SLC4A4: variants seen among roughly 807,000 people sequenced by gnomAD.
The protein encoded by SLC4A4 is electrogenic sodium bicarbonate cotransporter 1.
A neutral mutation model predicts 111.5 loss-of-function variants in SLC4A4; 27 were observed. The observed-to-expected ratio is 0.24, with a 90% CI of 0.18 to 0.33. The LOEUF (loss-of-function observed/expected upper bound fraction) is 0.33, where lower values mean the gene tolerates loss of function less well. Ranked by LOEUF, SLC4A4 falls within the 10% of genes least tolerant of loss-of-function variation. The pLI is 1.00. For synonymous variants in SLC4A4, 443 were observed against 463.4 expected, an observed-to-expected ratio of 0.96 and a Z score of 0.57; for missense variants, 909 against 1,315.5, an observed-to-expected ratio of 0.69 and a Z score of 4.78.
intron 4 of SLC4A4, among the ~76,000 whole-genome samples, chr4:71,349,109 C>A (rs1309834887): frequency 6.6e-6 from 1 of 152,036 alleles, no homozygotes; most frequent in African/African-American, 2.4e-5. Context: ...GCTCTCATTT[C>A]CATTAAGGTT....
chr4:71,498,281 A>G (rs1223582520), intron 16 of SLC4A4, among the ~76,000 whole-genome samples: 1 of 152,186 alleles, frequency 6.6e-6, no homozygotes, highest in Non-Finnish European at 1.5e-5. Flanking sequence ...AAAATGCCTG[A>G]GTGAGCTTAG....
At chr4:71,217,172 T>A (rs973528862) in intron 1 of SLC4A4, among the ~76,000 whole-genome samples, 7 of 152,206 alleles carry the variant, frequency 4.6e-5, no homozygotes, top group Non-Finnish European at 8.8e-5. Flanking sequence ...TTACTGAGAC[T>A]GAATAATATG....
intron 2 of SLC4A4, among the ~76,000 whole-genome samples, chr4:71,176,245 C>A (rs991215758): frequency 1.2e-4 from 18 of 152,088 alleles, no homozygotes; most frequent in African/African-American, 3.4e-4. Flanking sequence ...AGAACAGAAA[C>A]ACTGGAAACT....
chr4:71,304,485 C>A (rs1725530456), intron 3 of SLC4A4, among the ~76,000 whole-genome samples: 1 of 152,192 alleles, frequency 6.6e-6, no homozygotes, highest in Non-Finnish European at 1.5e-5. Context: ...GGATGATGTC[C>A]AAGCACATTG....
intron 1 of SLC4A4, among the ~76,000 whole-genome samples, chr4:71,211,455 G>C (rs1718125541): frequency 6.6e-6 from 1 of 152,188 alleles, no homozygotes; most frequent in South Asian, 2.1e-4. Flanking sequence ...TTTTTACCAG[G>C]AGGTAGAAGG....
intron 17 of SLC4A4, among the ~76,000 whole-genome samples, chr4:71,532,588 C>A (rs1734036066): frequency 6.6e-6 from 1 of 152,126 alleles, no homozygotes; most frequent in African/African-American, 2.4e-5. Context: ...TCACTGCAAC[C>A]TTTGCCTCCT....
intron 2 of SLC4A4, among the ~76,000 whole-genome samples, chr4:71,106,899 T>C (rs943818285): frequency 1.3e-5 from 2 of 149,004 alleles, no homozygotes; most frequent in Non-Finnish European, 3.0e-5. Context: ...AGTGTGCACA[T>C]GTACCCTAAA....
intron 2 of SLC4A4, among the ~76,000 whole-genome samples, chr4:71,115,039 A>G (rs1327734578): frequency 2.7e-5 from 4 of 145,612 alleles, no homozygotes; most frequent in Non-Finnish European, 6.0e-5. Context: ...CTTTGTAGGG[A>G]CATGGATGAA....
chr4:71,497,832 T>C, intron 16 of SLC4A4, 140 bp downstream of exon 16: 1 of 726,106 alleles, frequency 1.4e-6, no homozygotes, highest in South Asian at 1.7e-5. Context: ...ACTTCAATCT[T>C]TGTTCATGTG....
Position 71,447,727 on chromosome 4 carries a change from T to C in SLC4A4, c.1047T>C (p.Ser349=), listed in dbSNP as rs763860529. ...GCAGAGCCATTGCCACCCTGATGTCTGATGAGGTAGGAAATCAGGAAGATG... is the reference window on the plus strand; with the variant it reads ...GCAGAGCCATTGCCACCCTGATGTCCGATGAGGTAGGAAATCAGGAAGATG... ...EIGRAIATLM[S]DEVFHDIAYK... Residue 349 remains serine (S), a synonymous_variant, in exon 9 of 26, where the codon TCT becomes TCC. Coordinates refer to ENST00000264485, the MANE Select transcript of SLC4A4 (RefSeq NM_001098484.3). The C allele has an allele frequency of 6.2e-7, 1 of 1,603,400 alleles. No individual in the cohort carries two copies. The highest frequency in any genetic ancestry group is 8.5e-7 in the Non-Finnish European group (1 of 1,170,544).
In SLC4A4 at chr4:71,083,924, G is replaced by A. The variant is rs186958829; in HGVS notation, c.-64-8806G>A. On this transcript the variant is annotated intron_variant, in intron 1 of 26. Transcript: ENST00000649996. ...CTGCTCATCTTTGTTATGGTTATTC[G>A]CTTAGCTGAATGCAGACACTTCTAT... Among the ~76,000 whole-genome samples the A allele has an allele frequency of 1.8e-3, 275 of 151,626 alleles. 1 individual carries two copies. Among genetic ancestry groups the A allele is most frequent in the Non-Finnish European group, 3.1e-3 (210 of 67,968 alleles).
intron 1 of SLC4A4, among the ~76,000 whole-genome samples, chr4:71,077,586 C>T (rs1741874238): frequency 6.6e-6 from 1 of 152,160 alleles, no homozygotes; most frequent in African/African-American, 2.4e-5. Flanking sequence ...GCTAATGGAC[C>T]AGCTACTTGC....
At chr4:71,385,516 TC>T (rs1426227297) in intron 6 of SLC4A4, among the ~76,000 whole-genome samples, 3 of 152,080 alleles carry the variant, frequency 2.0e-5, no homozygotes, top group African/African-American at 7.2e-5. Context: ...TATATTCTTG[TC>T]TCTTATCTAT....
intron 16 of SLC4A4, among the ~76,000 whole-genome samples, chr4:71,526,289 G>A (rs34973757): frequency 6.6e-6 from 1 of 151,860 alleles, no homozygotes; most frequent in Non-Finnish European, 1.5e-5. Flanking sequence ...CTCCAGGAGT[G>A]ATTTCTGCTG....
chr4:71,418,989 G>A (rs566765417), intron 7 of SLC4A4, among the ~76,000 whole-genome samples: 8 of 152,124 alleles, frequency 5.3e-5, no homozygotes, highest in Non-Finnish European at 8.8e-5. Context: ...TATCCGCAGC[G>A]GTGTTTGCAG....
rs190511430 is a variant in SLC4A4 at position 71,131,321 on chromosome 4, T to C, written c.-2+38529T>C. Among the ~76,000 whole-genome samples the C allele has an allele frequency of 3.9e-5, 6 of 152,334 alleles. No homozygotes were observed. The East Asian group carries it at 1.2e-3, about 29-fold the overall frequency. On this transcript the variant is annotated intron_variant, in intron 2 of 26. Coordinates refer to the SLC4A4 transcript ENST00000649996. ...CCCTCTAAAGATGTTGGTTCTTTTA[T>C]AACAGCAGAGGTCCTCCTTGCTCAG...
At position 71,557,781 on chromosome 4, in the gene SLC4A4, G is replaced by C; in HGVS notation, c.2833G>C (p.Val945Leu). ...HQPDFIYLRH[V>L]PLRRVHLFTF... Reference sequence around the variant, plus strand: ...GCCTGACTTCATCTACCTGCGTCATGTTCCTCTGCGCAGAGTCCACCTGTT... The same window carrying C: ...GCCTGACTTCATCTACCTGCGTCATCTTCCTCTGCGCAGAGTCCACCTGTT... Residue 945 changes from valine (V) to leucine (L), a missense_variant, in exon 22 of 26, where the codon GTT becomes CTT. Coordinates refer to ENST00000264485, the MANE Select transcript of SLC4A4 (RefSeq NM_001098484.3). The C allele has an allele frequency of 6.2e-7, 1 of 1,612,756 alleles. No individual in the cohort carries two copies. Among genetic ancestry groups the C allele is most frequent in the Non-Finnish European group, 8.5e-7 (1 of 1,179,292 alleles).
chr4:71,298,987 A>G (rs1191662008), intron 3 of SLC4A4, among the ~76,000 whole-genome samples: 1 of 152,170 alleles, frequency 6.6e-6, no homozygotes, highest in Non-Finnish European at 1.5e-5. Flanking sequence ...TACTCTAGCT[A>G]TTATGTTTAT....
chr4:71,124,337 A>T lies in SLC4A4; in HGVS notation c.-2+31545A>T, dbSNP rs920452561. On this transcript the variant is annotated intron_variant, in intron 2 of 26. Transcript: ENST00000649996. ...CAGGTGCCCGCCACCATGTCTGGCTAATTTTTGTATTTTTAGTAGAGACGG... is the reference window on the plus strand; with the variant it reads ...CAGGTGCCCGCCACCATGTCTGGCTTATTTTTGTATTTTTAGTAGAGACGG... Among the ~76,000 whole-genome samples the T allele has an allele frequency of 3.9e-5, 6 of 151,936 alleles. No homozygotes were observed. In the East Asian group the frequency reaches 1.2e-3, roughly 29 times the overall value.
Sources: allele counts gnomAD v4.1 joint callset (sites outside exome capture counted in the v4.1 genomes callset), GRCh38; gene constraint gnomAD v4.1.1; transcripts MANE v1.5; gene names NCBI Gene and HGNC (gene_info 2026-07-23, HGNC 2026-07-21).